The following LIMK1 variants were observed in gnomAD, a reference collection of about 807,000 sequenced individuals.
The protein encoded by LIMK1 is LIM motif-containing protein kinase.
A neutral mutation model predicts 77.6 loss-of-function variants in LIMK1; 21 were observed. The ratio of observed to expected loss-of-function variants is 0.27; its 90% CI spans 0.19 to 0.39. LIMK1 has a LOEUF of 0.39. Among genes scored for constraint, LIMK1 ranks in the 10% least tolerant of loss-of-function variants. The pLI is 1.00. For synonymous variants in LIMK1, 358 were observed against 370.0 expected, an observed-to-expected ratio of 0.97 and a Z score of 0.37; for missense variants, 696 against 901.6, an observed-to-expected ratio of 0.77 and a Z score of 2.92.
chr7:74,104,230 C>T (rs1399952782), intron 5 of LIMK1, among the ~76,000 whole-genome samples: 4 of 152,062 alleles, frequency 2.6e-5, no homozygotes, highest in African/African-American at 7.2e-5. Flanking sequence ...CCACACCTGG[C>T]CCTGTTTTTC....
chr7:74,101,181 T>G (rs1799452350), intron 5 of LIMK1, among the ~76,000 whole-genome samples: 1 of 152,196 alleles, frequency 6.6e-6, no homozygotes, highest in South Asian at 2.1e-4. Flanking sequence ...TCTCCATCCC[T>G]TGACATCAGC....
At chr7:74,109,225 T>A (rs1272358689) in intron 10 of LIMK1, 189 bp downstream of exon 10, 3 of 580,420 alleles carry the variant, frequency 5.2e-6, no homozygotes, top group Non-Finnish European at 9.6e-6. Flanking sequence ...CCAGGTACAA[T>A]GGTGCACACC....
chr7:74,085,089 G>T (rs1245477856), intron 1 of LIMK1, among the ~76,000 whole-genome samples: 1 of 152,116 alleles, frequency 6.6e-6, no homozygotes, highest in Non-Finnish European at 1.5e-5. Context: ...CATTTTCCAG[G>T]GCCCACCAGC....
At chr7:74,095,968 C>CTTTT (rs869065672) in intron 2 of LIMK1, among the ~76,000 whole-genome samples, 6 of 127,230 alleles carry the variant, frequency 4.7e-5, no homozygotes, top group African/African-American at 1.3e-4. Flanking sequence ...TTTTCTTTTT[C>CTTTT]TTTTTTTTTT....
rs1554697799 is a variant in LIMK1 at position 74,107,179 on chromosome 7, G to A, written c.1051G>A (p.Gly351Ser). The A allele has an allele frequency of 1.2e-6, 2 of 1,610,538 alleles. No homozygotes were observed. Among genetic ancestry groups the A allele is most frequent in the East Asian group, 2.2e-5 (1 of 44,866 alleles). ...HGEVLGKGCF[G>S]QAIKVTHRET... is the part of the protein sequence containing the mutation. Reference sequence around the variant, plus strand: ...GGAGGTGCTGGGCAAGGGCTGCTTCGGCCAGGCTATCAAGGTACAGAGCAT... The same window carrying A: ...GGAGGTGCTGGGCAAGGGCTGCTTCAGCCAGGCTATCAAGGTACAGAGCAT... The change falls in exon 8 of 16, where the codon GGC becomes AGC. Residue 351 changes from glycine (G) to serine (S), a missense_variant. Gly to Ser is a moderately conservative substitution (Grantham distance 56). This residue lies in a region of LIMK1 where 438 missense variants were observed against 602.3 expected (regional missense o/e 0.73). Coordinates refer to ENST00000336180, the MANE Select transcript of LIMK1 (RefSeq NM_002314.4).
At chr7:74,115,494 G>A (rs1799787577) in intron 12 of LIMK1, 1 of 337,102 alleles carries the variant, frequency 3.0e-6, no homozygotes, top group Admixed American at 4.4e-5. Flanking sequence ...AGGTGGGAGG[G>A]AGCGCTTGCA....
At chr7:74,116,018 G>T in intron 13 of LIMK1, 60 bp downstream of exon 13, 1 of 1,562,878 alleles carries the variant, frequency 6.4e-7, no homozygotes, top group Non-Finnish European at 8.7e-7. Context: ...GAGCCCAGGA[G>T]AGCTGTAACC....
intron 2 of LIMK1, among the ~76,000 whole-genome samples, chr7:74,096,162 G>A (rs374947890): frequency 6.6e-6 from 1 of 151,394 alleles, no homozygotes; most frequent in East Asian, 2.0e-4. Context: ...ACTGGGTTTT[G>A]CCATGTTGGC....
intron 11 of LIMK1, 51 bp from the exon 12 acceptor site, chr7:74,111,882 C>G: frequency 1.3e-6 from 2 of 1,540,098 alleles, no homozygotes; most frequent in African/African-American, 1.4e-5. Context: ...CCAGGATGGG[C>G]TGGGGTCCCT....
In LIMK1 at chr7:74,105,971, C is replaced by G; in HGVS notation, c.705C>G (p.Pro235=). The change falls in exon 6 of 16, where the codon CCC becomes CCG. Residue 235 remains proline (P), a synonymous_variant. Coordinates refer to ENST00000336180, the MANE Select transcript of LIMK1 (RefSeq NM_002314.4). ...ATGGCACGCCCATCCGAAATGTGCC[C>G]CTGGACGAGGTACGGTCCTGAGTCT... is the stretch of plus-strand genomic sequence containing the variant. The part of the protein sequence containing the change: ...EINGTPIRNV[P]LDEIDLLIQE... 6.2e-7 allele frequency: 1 copy of G among 1,614,034 alleles called. No individual in the cohort carries two copies. Among genetic ancestry groups the G allele is most frequent in the South Asian group, 1.1e-5 (1 of 91,080 alleles).
chr7:74,101,922 T>C (rs1799466514), intron 5 of LIMK1, among the ~76,000 whole-genome samples: 1 of 152,056 alleles, frequency 6.6e-6, no homozygotes, highest in Non-Finnish European at 1.5e-5. Flanking sequence ...ATGCCTGTGC[T>C]CAAGCAATCC....
intron 2 of LIMK1, among the ~76,000 whole-genome samples, chr7:74,091,374 A>G (rs1799232050): frequency 6.6e-6 from 1 of 151,948 alleles, no homozygotes. Context: ...AAAATTAGCC[A>G]GGCGTGGTGG....
At chr7:74,084,266 G>C (rs1288599382) in intron 1 of LIMK1, among the ~76,000 whole-genome samples, 1 of 150,878 alleles carries the variant, frequency 6.6e-6, no homozygotes, top group Non-Finnish European at 1.5e-5. Context: ...GGGGCCCCTG[G>C]ACCCTTTTTC....
chr7:74,120,122 G>T (rs549616425), intron 13 of LIMK1, among the ~76,000 whole-genome samples: 34 of 152,248 alleles, frequency 2.2e-4, no homozygotes, highest in African/African-American at 6.7e-4. Context: ...CTTCTGCTGT[G>T]TCTTCTCTGT....
intron 5 of LIMK1, among the ~76,000 whole-genome samples, chr7:74,104,861 A>G (rs1199423295): frequency 6.6e-6 from 1 of 152,150 alleles, no homozygotes; most frequent in Non-Finnish European, 1.5e-5. Context: ...GGAGTCAGAT[A>G]TGAAGCCACT....
At chr7:74,110,831 A>T (rs1159895292) in intron 10 of LIMK1, 3 of 152,172 alleles carry the variant, frequency 2.0e-5, no homozygotes, top group Non-Finnish European at 4.4e-5. Context: ...ACCTGACAGA[A>T]AGATGAGATT....
chr7:74,096,708 A>C lies in LIMK1; in HGVS notation c.239A>C (p.Tyr80Ser). 6.2e-7 allele frequency: 1 copy of C among 1,613,862 alleles called. No individual in the cohort carries two copies. Among genetic ancestry groups the C allele is most frequent in the Non-Finnish European group, 8.5e-7 (1 of 1,179,898 alleles). The stretch of plus-strand genomic sequence containing the variant: ...TGCAAGAAGGACTACTGGGCCCGCT[A>C]TGGCGAGTCCTGCCATGGGTGCTCT... ...LFCKKDYWARYGESCHGCSEQ... is the reference protein window; with the variant it reads ...LFCKKDYWARSGESCHGCSEQ... The change falls in exon 3 of 16, where the codon TAT becomes TCT. Residue 80 changes from tyrosine to serine, a missense_variant. Transcript: ENST00000336180.
chr7:74,119,688 A>G lies in LIMK1; in HGVS notation c.1568-895A>G, dbSNP rs782508912. Among the ~76,000 whole-genome samples the G allele has an allele frequency of 4.9e-4, 74 of 151,524 alleles. 2 individuals are homozygous for G. Among genetic ancestry groups the G allele is most frequent in the Non-Finnish European group, 1.0e-4 (7 of 67,906 alleles). On this transcript the variant is annotated intron_variant, in intron 13 of 15. Coordinates refer to ENST00000336180, the MANE Select transcript of LIMK1 (RefSeq NM_002314.4). ...TTTGGGAGGCCGAGGCGGGCAGATC[A>G]CTGGAGGTCAGGAGTTCGAGACCAG...
rs190899520 is a variant in LIMK1, at chr7:74,115,007, T to C, written c.1411-795T>C. Reference sequence around the variant, plus strand: ...GAAAGGCTGAGGCAGGTGGACCACTTGAGGCCAGAAGTTGAAGACCAGTCT... The same window carrying C: ...GAAAGGCTGAGGCAGGTGGACCACTCGAGGCCAGAAGTTGAAGACCAGTCT... On this transcript the variant is annotated intron_variant, in intron 12 of 15. Transcript: ENST00000336180. Among the ~76,000 whole-genome samples the C allele has an allele frequency of 6.6e-3, 1,008 of 151,982 alleles. 12 individuals carry two copies. Among genetic ancestry groups the C allele is most frequent in the Admixed American group, 9.9e-3 (151 of 15,220 alleles).
Sources: gnomAD v4.1 joint callset for allele counts (sites outside exome capture counted in the v4.1 genomes callset) on GRCh38, gnomAD v4.1.1 for gene constraint, gnomAD v4.1.1 regional missense constraint, MANE v1.5 for transcripts, NCBI Gene and HGNC (gene_info 2026-07-23, HGNC 2026-07-21) for gene names.